The following MGAT4D variants were observed in gnomAD, a reference collection of about 807,000 sequenced individuals.
MGAT4D encodes alpha-1,3-mannosyl-glycoprotein 4-beta-N-acetylglucosaminyltransferase-like protein MGAT4D.
MGAT4D carries 34 observed loss-of-function variants against 15.9 expected under a neutral mutation model. The ratio of observed to expected loss-of-function variants is 2.14; its 90% CI spans 1.62 to 2.84. The LOEUF (loss-of-function observed/expected upper bound fraction) is 2.84. MGAT4D is among the 30% of genes most tolerant of loss of function. The probability of loss-of-function intolerance (pLI) is 0.00; values close to 1 mark genes in which losing one functional copy is unlikely to be tolerated. For missense variants in MGAT4D, 327 were observed against 140.2 expected (o/e 2.33, Z -6.73); for synonymous variants, 112 against 48.2 (o/e 2.33, Z -5.49).
At chr4:140,484,210 A>T (rs1420273692) in intron 1 of MGAT4D, among the ~76,000 whole-genome samples, 1 of 152,174 alleles carries the variant, frequency 6.6e-6, no homozygotes, top group Non-Finnish European at 1.5e-5. Context: ...ACAATAGCAA[A>T]AAAAAGTAAA....
At chr4:140,472,148 G>T (rs574609139) in intron 4 of MGAT4D, among the ~76,000 whole-genome samples, 6 of 152,036 alleles carry the variant, frequency 3.9e-5, no homozygotes, top group African/African-American at 1.4e-4. Context: ...GTCTAAAAAT[G>T]GTCATCTGTG....
At chr4:140,460,778 T>C (rs932298128) in intron 7 of MGAT4D, among the ~76,000 whole-genome samples, 2 of 152,170 alleles carry the variant, frequency 1.3e-5, no homozygotes, top group African/African-American at 4.8e-5. Flanking sequence ...ACCTGGGCGA[T>C]AGAGCAAGAC....
chr4:140,486,969 A>T (rs952935835), intron 1 of MGAT4D, among the ~76,000 whole-genome samples: 2 of 152,228 alleles, frequency 1.3e-5, no homozygotes, highest in African/African-American at 4.8e-5. Flanking sequence ...ATCATGGGTG[A>T]TGCAACCTAT....
intron 9 of MGAT4D, among the ~76,000 whole-genome samples, chr4:140,455,363 T>C (rs1021260227): frequency 6.6e-6 from 1 of 152,230 alleles, no homozygotes; most frequent in Non-Finnish European, 1.5e-5. Flanking sequence ...TGCCAAGTGC[T>C]TGAGATTTTT....
At chr4:140,480,272 T>A (rs1444415672) in intron 2 of MGAT4D, among the ~76,000 whole-genome samples, 1 of 152,164 alleles carries the variant, frequency 6.6e-6, no homozygotes, top group Non-Finnish European at 1.5e-5. Flanking sequence ...TTTGAACACT[T>A]GGACATCTAC....
At chr4:140,446,690 G>T (rs1730144122) in intron 10 of MGAT4D, among the ~76,000 whole-genome samples, 2 of 117,744 alleles carry the variant, frequency 1.7e-5, no homozygotes, top group Admixed American at 9.5e-5. Context: ...CTCTGATTTT[G>T]GTTACTTCCT....
intron 5 of MGAT4D, among the ~76,000 whole-genome samples, chr4:140,466,273 T>C (rs1731527440): frequency 6.6e-6 from 1 of 152,168 alleles, no homozygotes; most frequent in African/African-American, 2.4e-5. Flanking sequence ...GGGAACTTAG[T>C]GAAGGTGAAC....
intron 1 of MGAT4D, among the ~76,000 whole-genome samples, chr4:140,497,108 A>G (rs951183591): frequency 1.3e-5 from 2 of 152,206 alleles, no homozygotes; most frequent in Non-Finnish European, 2.9e-5. Flanking sequence ...TCTAGTATTA[A>G]CTGGAGGGCT....
chr4:140,476,090 G>A (rs1732312341), intron 3 of MGAT4D, among the ~76,000 whole-genome samples: 1 of 152,090 alleles, frequency 6.6e-6, no homozygotes, highest in Admixed American at 6.6e-5. Flanking sequence ...GGGATTACAG[G>A]CATGTGCCAC....
chr4:140,466,718 A>G (rs976047409), intron 5 of MGAT4D, among the ~76,000 whole-genome samples: 2 of 152,118 alleles, frequency 1.3e-5, no homozygotes, highest in Admixed American at 1.3e-4. Flanking sequence ...TTGTTTGTTA[A>G]TATTGGCTTG....
chr4:140,472,510 T>G (rs1382310973), intron 4 of MGAT4D, among the ~76,000 whole-genome samples: 2 of 149,134 alleles, frequency 1.3e-5, no homozygotes, highest in Non-Finnish European at 3.0e-5. Flanking sequence ...TGAATCTGAG[T>G]ACTCTGAAAG....
intron 5 of MGAT4D, among the ~76,000 whole-genome samples, chr4:140,468,922 T>C (rs953746758): frequency 7.2e-5 from 11 of 152,216 alleles, no homozygotes; most frequent in African/African-American, 1.9e-4. Context: ...TTTTCTACTC[T>C]TTCACCTGCT....
At chr4:140,445,289 C>A (rs1360024153) in intron 10 of MGAT4D, among the ~76,000 whole-genome samples, 1 of 152,034 alleles carries the variant, frequency 6.6e-6, no homozygotes, top group Non-Finnish European at 1.5e-5. Context: ...TGATACTGAG[C>A]ATTTTTTTTC....
intron 10 of MGAT4D, among the ~76,000 whole-genome samples, chr4:140,449,428 G>T (rs962007984): frequency 6.6e-6 from 1 of 152,044 alleles, no homozygotes; most frequent in African/African-American, 2.4e-5. Flanking sequence ...TTATTTTTCT[G>T]CTTAATAAAA....
In MGAT4D at chr4:140,452,060, G is replaced by T. The variant is rs536689448; in HGVS notation, c.1009-543C>A. Among the ~76,000 whole-genome samples the T allele has an allele frequency of 1.3e-4, 20 of 151,082 alleles. No homozygotes were observed. In the East Asian group the frequency reaches 3.5e-3, roughly 26 times the overall value. On this transcript the variant is annotated intron_variant, in intron 9 of 10. Transcript: ENST00000511113. ...TCCTATTAAAAACAAACATTTGAAGGCCAGGCACAGTGGCTTATGCCTGTA... is the reference window on the plus strand; with the variant it reads ...TCCTATTAAAAACAAACATTTGAAGTCCAGGCACAGTGGCTTATGCCTGTA...
intron 10 of MGAT4D, among the ~76,000 whole-genome samples, chr4:140,444,896 T>TC (rs1730014241): frequency 6.6e-6 from 1 of 151,704 alleles, no homozygotes; most frequent in Non-Finnish European, 1.5e-5. Context: ...CCTTTTTTTT[T>TC]TTGATATGGA....
intron 1 of MGAT4D, among the ~76,000 whole-genome samples, chr4:140,488,902 T>C (rs916549336): frequency 5.3e-5 from 8 of 152,162 alleles, no homozygotes; most frequent in Non-Finnish European, 1.0e-4. Context: ...GCCTGCCTGC[T>C]CTGGCCTAGC....
chr4:140,469,230 C>T (rs965437713), intron 5 of MGAT4D, among the ~76,000 whole-genome samples: 2 of 152,144 alleles, frequency 1.3e-5, no homozygotes, highest in Non-Finnish European at 2.9e-5. Context: ...AATCAGTTTC[C>T]TTCAATAAGC....
chr4:140,443,815 T>G (rs1729921403), intron 10 of MGAT4D, among the ~76,000 whole-genome samples: 1 of 152,142 alleles, frequency 6.6e-6, no homozygotes, highest in South Asian at 2.1e-4. Context: ...AGTAAAGGTT[T>G]AGGGTAATTT....
Sources: allele counts gnomAD v4.1 joint callset (sites outside exome capture counted in the v4.1 genomes callset), GRCh38; gene constraint gnomAD v4.1.1; transcripts MANE v1.5; gene names NCBI Gene and HGNC (gene_info 2026-07-23, HGNC 2026-07-21).